MTA3: variants seen among roughly 807,000 people sequenced by gnomAD.
The protein encoded by MTA3 is metastasis associated 1 family member 3.
A neutral mutation model predicts 83.5 loss-of-function variants in MTA3; 34 were observed. The observed-to-expected ratio is 0.41, with a 90% CI of 0.31 to 0.54. MTA3 has a LOEUF of 0.54. Among genes scored for constraint, MTA3 ranks in the 20% least tolerant of loss-of-function variants. The pLI is 0.33. For synonymous variants in MTA3, 303 were observed against 252.7 expected (o/e 1.20, Z -1.89); for missense variants, 761 against 726.4 (o/e 1.05, Z -0.55).
intron 2 of MTA3, among the ~76,000 whole-genome samples, chr2:42,577,709 G>T (rs552334828): frequency 1.6e-4 from 24 of 152,178 alleles, no homozygotes; most frequent in African/African-American, 5.5e-4. Flanking sequence ...TAGAACTCCT[G>T]ACCTCGTGAT....
At chr2:42,628,610 G>T (rs562415485) in intron 4 of MTA3, among the ~76,000 whole-genome samples, 1 of 152,264 alleles carries the variant, frequency 6.6e-6, no homozygotes, top group African/African-American at 2.4e-5. Flanking sequence ...TCATTATTCT[G>T]TTGAGACTGA....
intron 14 of MTA3, chr2:42,709,381 T>G (rs1243952735): frequency 9.3e-7 from 1 of 1,075,114 alleles, no homozygotes; most frequent in Admixed American, 4.2e-5. Flanking sequence ...GGTTTTGTGA[T>G]GGAATTGCCT....
chr2:42,534,834 G>C (rs1676144175), intron 2 of MTA3, among the ~76,000 whole-genome samples: 1 of 151,952 alleles, frequency 6.6e-6, no homozygotes, highest in African/African-American at 2.4e-5. Flanking sequence ...GTGTTGCCTA[G>C]GCTGGTCTTG....
chr2:42,712,206 A>C (rs1316055804), intron 14 of MTA3, among the ~76,000 whole-genome samples: 1 of 152,236 alleles, frequency 6.6e-6, no homozygotes, highest in Non-Finnish European at 1.5e-5. Flanking sequence ...AATATCTCAA[A>C]GAATATGTAA....
intron 2 of MTA3, among the ~76,000 whole-genome samples, chr2:42,507,046 A>T (rs1358241767): frequency 6.6e-6 from 1 of 152,188 alleles, no homozygotes; most frequent in Non-Finnish European, 1.5e-5. Context: ...CTGGAGTAGC[A>T]TGCGTGATCA....
At chr2:42,597,654 G>C (rs1681976568) in intron 3 of MTA3, among the ~76,000 whole-genome samples, 1 of 144,780 alleles carries the variant, frequency 6.9e-6, no homozygotes, top group African/African-American at 2.6e-5. Flanking sequence ...AAAGTGCTGG[G>C]ATTACAGGTG....
chr2:42,589,202 TG>T (rs1402448195), intron 3 of MTA3, among the ~76,000 whole-genome samples: 2 of 152,186 alleles, frequency 1.3e-5, no homozygotes, highest in African/African-American at 4.8e-5. Flanking sequence ...TTGGGAAAGT[TG>T]AAGTAATGAA....
intron 16 of MTA3, among the ~76,000 whole-genome samples, chr2:42,744,595 C>G (rs1303147823): frequency 6.6e-6 from 1 of 151,894 alleles, no homozygotes; most frequent in Non-Finnish European, 1.5e-5. Context: ...GAAAGTGTAG[C>G]TCTGACTTGA....
intron 4 of MTA3, among the ~76,000 whole-genome samples, chr2:42,639,223 A>G (rs1027397788): frequency 1.3e-5 from 2 of 151,642 alleles, no homozygotes; most frequent in African/African-American, 4.8e-5. Flanking sequence ...ACCATACCCC[A>G]CGAATTTCTA....
intron 4 of MTA3, among the ~76,000 whole-genome samples, chr2:42,628,108 G>T (rs1218576622): frequency 6.6e-6 from 1 of 151,910 alleles, no homozygotes; most frequent in East Asian, 1.9e-4. Context: ...GGTCTTGAAC[G>T]CCTGACTTTG....
intron 6 of MTA3, among the ~76,000 whole-genome samples, chr2:42,647,159 A>AAAAAAAAACAAAAC (rs1688283894): frequency 6.6e-6 from 1 of 151,110 alleles, no homozygotes; most frequent in Non-Finnish European, 1.5e-5. Flanking sequence ...TCTGTCTAAA[A>AAAAAAAAACAAAAC]AAAAAAAACA....
At chr2:42,702,527 T>C (rs1317091648) in intron 11 of MTA3, 1 of 152,236 alleles carries the variant, frequency 6.6e-6, no homozygotes, top group African/African-American at 2.4e-5. Flanking sequence ...GCTGTCTTGA[T>C]AGTTGTGAGG....
chr2:42,505,955 G>A (rs1397178636), intron 2 of MTA3, among the ~76,000 whole-genome samples: 3 of 151,620 alleles, frequency 2.0e-5, no homozygotes, highest in Non-Finnish European at 4.4e-5. Context: ...TTTTAATAGA[G>A]CGTTTCACCG....
chr2:42,638,157 C>G (rs1398819383), intron 4 of MTA3, among the ~76,000 whole-genome samples: 2 of 151,608 alleles, frequency 1.3e-5, no homozygotes, highest in Non-Finnish European at 2.9e-5. Flanking sequence ...ATTTTTTTTT[C>G]TAGGTGATTG....
At chr2:42,723,204 G>C in intron 16 of MTA3, 169 bp downstream of exon 16, 1 of 805,440 alleles carries the variant, frequency 1.2e-6, no homozygotes, top group Non-Finnish European at 1.9e-6. Context: ...TTTTGCCAAG[G>C]GATAGTTCTC....
chr2:42,688,771 AG>A (rs894014059), intron 9 of MTA3, among the ~76,000 whole-genome samples: 8 of 151,968 alleles, frequency 5.3e-5, no homozygotes, highest in African/African-American at 1.9e-4. Flanking sequence ...CATAAAGGGC[AG>A]TTTTTGTTTT....
At chr2:42,557,135 C>G (rs1043032328) in intron 2 of MTA3, among the ~76,000 whole-genome samples, 1 of 151,962 alleles carries the variant, frequency 6.6e-6, no homozygotes, top group Non-Finnish European at 1.5e-5. Flanking sequence ...CCCAGCTACT[C>G]GGGAGGCTGA....
At chr2:42,551,047 C>CTAAATAAATAAATAAA (rs61107846) in intron 2 of MTA3, among the ~76,000 whole-genome samples, 1 of 142,618 alleles carries the variant, frequency 7.0e-6, no homozygotes, top group African/African-American at 2.7e-5. Context: ...CAGACTCTGA[C>CTAAATAAATAAATAAA]TAAATAAATA....
At chr2:42,653,959 AT>A (rs1688937863) in intron 6 of MTA3, among the ~76,000 whole-genome samples, 1 of 152,218 alleles carries the variant, frequency 6.6e-6, no homozygotes, top group Admixed American at 6.5e-5. Context: ...TAATTGTGTC[AT>A]TCTCCATTCT....
Sources: allele counts gnomAD v4.1 joint callset (sites outside exome capture counted in the v4.1 genomes callset), GRCh38; gene constraint gnomAD v4.1.1; transcripts MANE v1.5; gene names NCBI Gene and HGNC (gene_info 2026-07-23, HGNC 2026-07-21).